Variants in ANO5 observed in about 807,000 individuals in gnomAD.
The protein encoded by ANO5 is anoctamin 5.
Under a neutral mutation model 121.0 loss-of-function variants are expected in ANO5, and 109 were observed. The ratio of observed to expected loss-of-function variants is 0.90; its 90% CI spans 0.77 to 1.06. ANO5 has a LOEUF of 1.06. ANO5 is among the 50% of genes least tolerant of loss of function. ANO5 has a pLI of 0.00. For synonymous variants in ANO5, 406 were observed against 359.9 expected (o/e 1.13, Z -1.45); for missense variants, 1,064 against 1,078.5 (o/e 0.99, Z 0.19).
chr11:22,249,492 C>T lies in ANO5; in HGVS notation c.879-745C>T, dbSNP rs138533269. Among the ~76,000 whole-genome samples the T allele has an allele frequency of 5.7e-3, 861 of 152,112 alleles. 33 individuals carry two copies. The highest frequency in any genetic ancestry group is 0.052 in the Admixed American group (794 of 15,258). ...GAGGAAGATTAATCAGGTTAAACAA[C>T]AACAACAAGAAAACCTGACTTTCTG... is the stretch of plus-strand genomic sequence containing the variant. On this transcript the variant is annotated intron_variant, in intron 9 of 21. Coordinates refer to ENST00000324559, the MANE Select transcript of ANO5 (RefSeq NM_213599.3).
chr11:22,269,283 G>C (rs1398341081), intron 17 of ANO5, among the ~76,000 whole-genome samples: 1 of 53,574 alleles, frequency 1.9e-5, no homozygotes, highest in African/African-American at 1.1e-4. Context: ...GAAGGGAAGA[G>C]AAGGGAAGAA....
rs1227250717 is a variant in ANO5 at position 22,221,300 on chromosome 11, G to T, written c.294+90G>T. ...ATCTGGATTGAATTATGTTGTAAAA[G>T]TGAGAGGCCCTGAAGTGTTACTGAA... On this transcript the variant is annotated intron_variant, in intron 5 of 21. Coordinates refer to ENST00000324559, the MANE Select transcript of ANO5 (RefSeq NM_213599.3). The T allele has an allele frequency of 5.3e-6, 6 of 1,136,358 alleles. No homozygotes were observed. In the Admixed American group the frequency reaches 1.2e-4, roughly 22 times the overall value. 70.4% of individuals were successfully genotyped at this position (1,136,358 alleles called of 1,614,324 possible).
intron 7 of ANO5, among the ~76,000 whole-genome samples, chr11:22,234,215 T>A (rs1853140282): frequency 6.6e-6 from 1 of 152,146 alleles, no homozygotes; most frequent in Non-Finnish European, 1.5e-5. Context: ...GTGCTGTTCA[T>A]CATTGGTCCT....
intron 12 of ANO5, among the ~76,000 whole-genome samples, chr11:22,251,863 A>G (rs1853827261): frequency 6.6e-6 from 1 of 151,382 alleles, no homozygotes; most frequent in South Asian, 2.1e-4. Flanking sequence ...CGTCTCTACT[A>G]AAAAATACCA....
At chr11:22,230,066 C>T (rs984308575) in intron 7 of ANO5, among the ~76,000 whole-genome samples, 1 of 151,778 alleles carries the variant, frequency 6.6e-6, no homozygotes, top group African/African-American at 2.4e-5. Context: ...TTTATATATA[C>T]ACCAATATGT....
intron 17 of ANO5, among the ~76,000 whole-genome samples, chr11:22,267,522 A>G (rs548862026): frequency 2.7e-4 from 40 of 149,224 alleles, no homozygotes; most frequent in Middle Eastern, 3.5e-3. Flanking sequence ...ATATATATAT[A>G]TAAAATCTAT....
chr11:22,195,890 C>T (rs79521470), intron 1 of ANO5, among the ~76,000 whole-genome samples: 8,600 of 152,206 alleles, frequency 0.057, 795 homozygotes, highest in African/African-American at 0.2. Flanking sequence ...TGCCCAAATT[C>T]CTGTATCTAG....
intron 3 of ANO5, among the ~76,000 whole-genome samples, chr11:22,216,964 T>C (rs545958813): frequency 6.6e-6 from 1 of 152,026 alleles, no homozygotes; most frequent in South Asian, 2.1e-4. Context: ...TCATGAAAGA[T>C]ACCAAGAAAA....
In ANO5 at chr11:22,257,689, C is replaced by A; in HGVS notation, c.1342C>A (p.Pro448Thr). Residue 448 changes from proline (P) to threonine (T), a missense_variant, in exon 14 of 22, where the codon CCT (proline) becomes ACT (threonine). Pro to Thr is a conservative substitution (Grantham distance 38). Coordinates refer to ENST00000324559, the MANE Select transcript of ANO5 (RefSeq NM_213599.3). ...KLNAVTKEMEPYMPLYTRIPW... is the reference protein window; with the variant it reads ...KLNAVTKEMETYMPLYTRIPW... ...TTCTTCAATATTACAGGAGATGGAA[C>A]CTTACATGCCTCTATACACGCGTAT... 1 of 1,610,762 alleles carries A rather than the reference C, an allele frequency of 6.2e-7. No individual in the cohort carries two copies. Among genetic ancestry groups the A allele is most frequent in the South Asian group, 1.1e-5 (1 of 91,012 alleles).
intron 14 of ANO5, among the ~76,000 whole-genome samples, chr11:22,258,432 T>G (rs2133733865): frequency 6.6e-6 from 1 of 152,356 alleles, no homozygotes; most frequent in Non-Finnish European, 1.5e-5. Flanking sequence ...TTGAGAAATC[T>G]TCTGGAGTAT....
Position 22,279,887 on chromosome 11 carries a change from T to A in ANO5, c.*122T>A. On this transcript the variant is annotated 3_prime_UTR_variant, in exon 22 of 22. Coordinates refer to ENST00000324559, the MANE Select transcript of ANO5 (RefSeq NM_213599.3). ...TTCTTTTTTTTTTTTTTCTTTTTTT[T>A]TTTAAACTCAAAGTTTTTATACACT... is the stretch of plus-strand genomic sequence containing the variant. 1.1e-6 allele frequency: 1 copy of A among 899,028 alleles called. No individual in the cohort carries two copies. Among genetic ancestry groups the A allele is most frequent in the Non-Finnish European group, 1.7e-6 (1 of 596,390 alleles). The allele number at this position is 899,028 out of a possible 1,614,324, so 55.7% of individuals were successfully genotyped here.
Position 22,276,104 on chromosome 11 carries a change from T to G in ANO5, c.2425T>G (p.Tyr809Asp), listed in dbSNP as rs781142402. The G allele has an allele frequency of 3.1e-6, 5 of 1,606,824 alleles. No homozygotes were observed. In the Admixed American group the frequency reaches 8.4e-5, roughly 27 times the overall value. Residue 809 changes from tyrosine (Y) to aspartate (D), a missense_variant, in exon 21 of 22, where the codon TAC becomes GAC. Physicochemically the swap from Tyr to Asp is radical, Grantham distance 160. Coordinates refer to ENST00000324559, the MANE Select transcript of ANO5 (RefSeq NM_213599.3). ...RDFITCRYRD[Y>D]RYPPDDENKY... is the part of the protein sequence containing the mutation. ...ACTTCCACTTTTCAGGTACAGAGATTACAGATATCCTCCTGATGACGAGAA... is the reference window on the plus strand; with the variant it reads ...ACTTCCACTTTTCAGGTACAGAGATGACAGATATCCTCCTGATGACGAGAA...
chr11:22,231,468 G>C (rs1287565468), intron 7 of ANO5, among the ~76,000 whole-genome samples: 1 of 151,844 alleles, frequency 6.6e-6, no homozygotes, highest in African/African-American at 2.4e-5. Context: ...TTATTTTTCA[G>C]TGGAAAACAC....
chr11:22,232,677 A>G (rs1033247729), intron 7 of ANO5, among the ~76,000 whole-genome samples: 2 of 151,988 alleles, frequency 1.3e-5, no homozygotes, highest in African/African-American at 4.8e-5. Flanking sequence ...TGTGCCTTGT[A>G]CAAAATGTAA....
Position 22,272,888 on chromosome 11 carries a change from C to T in ANO5, c.2134C>T (p.Leu712Phe), listed in dbSNP as rs1564951267. 1 of 1,614,042 alleles carries T rather than the reference C, an allele frequency of 6.2e-7. No individual in the cohort carries two copies. The highest frequency in any genetic ancestry group is 1.7e-5 in the Admixed American group (1 of 60,010). The change falls in exon 19 of 22, where the codon CTT becomes TTT. Residue 712 changes from leucine to phenylalanine, a missense_variant. Coordinates refer to ENST00000324559, the MANE Select transcript of ANO5 (RefSeq NM_213599.3). ...AGAGATTCGAGTGGATGCCTGGAAA[C>T]TTACCACTCAATACAGGAGAACTGT... The part of the protein sequence containing the change: ...IVEIRVDAWK[L>F]TTQYRRTVAS...
intron 17 of ANO5, among the ~76,000 whole-genome samples, chr11:22,267,524 A>AT (rs141657651): frequency 0.078 from 11,131 of 143,256 alleles, 1,522 homozygotes; most frequent in African/African-American, 0.29. Flanking sequence ...ATATATATAT[A>AT]AAATCTATCT....
At chr11:22,195,700 G>A (rs547971107) in intron 1 of ANO5, among the ~76,000 whole-genome samples, 1 of 152,178 alleles carries the variant, frequency 6.6e-6, no homozygotes, top group African/African-American at 2.4e-5. Flanking sequence ...TCAAATTGCT[G>A]GGATTACAGA....
In ANO5 at chr11:22,250,802, G is replaced by A. The variant is rs560212768; in HGVS notation, c.1075G>A (p.Val359Met). The change falls in exon 11 of 22, where the codon GTG (valine) becomes ATG (methionine). Residue 359 changes from valine (V) to methionine (M), a missense_variant. Physicochemically the swap from Val to Met is conservative, Grantham distance 21. Coordinates refer to ENST00000324559, the MANE Select transcript of ANO5 (RefSeq NM_213599.3). ...QMIMCPLCDQ[V>M]CDYWRLNSTC... ...GATCATGTGCCCACTCTGTGATCAA[G>A]TGTGTGATTATTGGAGACTAAATAG... is the stretch of plus-strand genomic sequence containing the variant. The A allele has an allele frequency of 4.0e-5, 64 of 1,614,090 alleles. 2 individuals carry two copies. The South Asian group carries it at 6.9e-4, about 17-fold the overall frequency.
At chr11:22,221,652 T>G (rs967030143) in intron 5 of ANO5, among the ~76,000 whole-genome samples, 1 of 151,990 alleles carries the variant, frequency 6.6e-6, no homozygotes, top group Admixed American at 6.6e-5. Flanking sequence ...TATTTATTCA[T>G]GTTTTTACTT....
Sources: gnomAD v4.1 joint callset for allele counts (sites outside exome capture counted in the v4.1 genomes callset) on GRCh38, gnomAD v4.1.1 for gene constraint, MANE v1.5 for transcripts, NCBI Gene and HGNC (gene_info 2026-07-23, HGNC 2026-07-21) for gene names.